The following SLC25A12 variants were observed in gnomAD, a reference collection of about 807,000 sequenced individuals.
SLC25A12 encodes electrogenic aspartate/glutamate antiporter SLC25A12, mitochondrial.
SLC25A12 carries 32 observed loss-of-function variants against 83.3 expected under a neutral mutation model. The ratio of observed to expected loss-of-function variants is 0.38; its 90% CI spans 0.29 to 0.52. The LOEUF (loss-of-function observed/expected upper bound fraction) is 0.52, where lower values mean the gene tolerates loss of function less well. Among genes scored for constraint, SLC25A12 ranks in the 20% least tolerant of loss-of-function variants. The pLI, the probability that SLC25A12 is intolerant of heterozygous loss-of-function variation, is 0.84. For synonymous variants in SLC25A12, 267 were observed against 291.1 expected (o/e 0.92, Z 0.84); for missense variants, 611 against 835.6 (o/e 0.73, Z 3.31).
At chr2:171,818,063 G>A (rs1310576625) in intron 9 of SLC25A12, among the ~76,000 whole-genome samples, 1 of 152,034 alleles carries the variant, frequency 6.6e-6, no homozygotes, top group Admixed American at 6.6e-5. Context: ...TTTTTTTAAG[G>A]CTTAGTTATC....
chr2:171,815,073 ATAT>A (rs1684023140), intron 10 of SLC25A12, 45 bp downstream of exon 10: 2 of 1,453,686 alleles, frequency 1.4e-6, no homozygotes, highest in East Asian at 2.3e-5. Flanking sequence ...TGGTGAGATA[ATAT>A]TACATTAACA....
intron 17 of SLC25A12, among the ~76,000 whole-genome samples, 165 bp downstream of exon 17, chr2:171,787,406 T>A (rs978500825): frequency 1.3e-4 from 20 of 152,258 alleles, no homozygotes; most frequent in Admixed American, 6.5e-5. Flanking sequence ...CAAGTTTTAC[T>A]TGCTTAACAC....
intron 4 of SLC25A12, chr2:171,852,704 C>G (rs1684958035): frequency 8.8e-6 from 4 of 455,190 alleles, no homozygotes; most frequent in Non-Finnish European, 1.8e-5. Flanking sequence ...AAAATAAACT[C>G]GAAGTTAATT....
intron 15 of SLC25A12, chr2:171,789,006 C>G (rs1387663856): frequency 2.0e-5 from 3 of 152,226 alleles, no homozygotes. Context: ...TTACTTGGTT[C>G]AACCACTTGC....
At chr2:171,796,779 A>C (rs1287554127) in intron 13 of SLC25A12, among the ~76,000 whole-genome samples, 1 of 152,342 alleles carries the variant, frequency 6.6e-6, no homozygotes, top group East Asian at 1.9e-4. Context: ...TTACTTTTGT[A>C]CCAACGTAAT....
chr2:171,867,041 T>G (rs1222306539), intron 3 of SLC25A12, among the ~76,000 whole-genome samples: 5 of 83,226 alleles, frequency 6.0e-5, no homozygotes, highest in South Asian at 4.5e-4. Flanking sequence ...GACGGGGCGG[T>G]GGGGCAGAGG....
intron 4 of SLC25A12, among the ~76,000 whole-genome samples, chr2:171,846,276 C>A (rs1270872197): frequency 6.6e-6 from 1 of 151,814 alleles, no homozygotes; most frequent in Non-Finnish European, 1.5e-5. Flanking sequence ...AGTAACATTA[C>A]AATTATTAAA....
At chr2:171,812,756 G>A (rs962284513) in intron 11 of SLC25A12, among the ~76,000 whole-genome samples, 1 of 151,548 alleles carries the variant, frequency 6.6e-6, no homozygotes, top group African/African-American at 2.4e-5. Context: ...TGAGCTAAGT[G>A]GGGGAAAGAA....
At chr2:171,883,717 C>T (rs983257737) in intron 2 of SLC25A12, among the ~76,000 whole-genome samples, 8 of 152,168 alleles carry the variant, frequency 5.3e-5, no homozygotes, top group Non-Finnish European at 1.2e-4. Context: ...CCTTTTAGTT[C>T]TCAGCTCTTA....
intron 6 of SLC25A12, among the ~76,000 whole-genome samples, chr2:171,836,679 T>C (rs189234793): frequency 6.6e-6 from 1 of 152,262 alleles, no homozygotes; most frequent in Admixed American, 6.5e-5. Context: ...GCCATCTTTA[T>C]AGCAAGACCT....
intron 6 of SLC25A12, among the ~76,000 whole-genome samples, chr2:171,836,896 C>T (rs1684568434): frequency 1.3e-5 from 2 of 151,190 alleles, no homozygotes; most frequent in Admixed American, 6.6e-5. Flanking sequence ...GAAAAGATAA[C>T]TCACCATCAC....
intron 3 of SLC25A12, among the ~76,000 whole-genome samples, chr2:171,864,486 T>A (rs1392854389): frequency 6.6e-6 from 1 of 151,990 alleles, no homozygotes; most frequent in African/African-American, 2.4e-5. Flanking sequence ...CAAGACAGAG[T>A]CAAAAGCCTT....
At chr2:171,799,638 T>C (rs1313936604) in intron 13 of SLC25A12, among the ~76,000 whole-genome samples, 1 of 152,176 alleles carries the variant, frequency 6.6e-6, no homozygotes, top group Non-Finnish European at 1.5e-5. Context: ...AGTTGAAAGA[T>C]TCTAGGTTTG....
chr2:171,806,731 T>C (rs1683840789), intron 13 of SLC25A12, among the ~76,000 whole-genome samples: 1 of 152,196 alleles, frequency 6.6e-6, no homozygotes, highest in Admixed American at 6.5e-5. Flanking sequence ...CTAATTAACC[T>C]GCAATAGGTT....
chr2:171,876,898 A>C (rs1158895352), intron 2 of SLC25A12, among the ~76,000 whole-genome samples: 1 of 152,262 alleles, frequency 6.6e-6, no homozygotes, highest in Non-Finnish European at 1.5e-5. Flanking sequence ...AGTCAAGGAC[A>C]CATGGAAGAC....
intron 9 of SLC25A12, among the ~76,000 whole-genome samples, chr2:171,819,300 G>A (rs1684125796): frequency 8.5e-6 from 1 of 117,248 alleles, no homozygotes; most frequent in African/African-American, 3.3e-5. Flanking sequence ...ACATAATATA[G>A]AATTATAATT....
chr2:171,871,813 C>T (rs1685462728), intron 2 of SLC25A12: 1 of 886,070 alleles, frequency 1.1e-6, no homozygotes. Flanking sequence ...GCATTCAAAG[C>T]ATTTGAGAGG....
chr2:171,852,614 T>G (rs1330470925), intron 4 of SLC25A12: 5 of 448,352 alleles, frequency 1.1e-5, no homozygotes, highest in Non-Finnish European at 2.2e-5. Context: ...CATGTGCCTA[T>G]AAATACATAA....
intron 10 of SLC25A12, 59 bp from the exon 11 acceptor site, chr2:171,813,556 A>G: frequency 6.6e-7 from 1 of 1,524,530 alleles, no homozygotes; most frequent in Non-Finnish European, 9.1e-7. Flanking sequence ...AGAGTCCATA[A>G]GGATGACAAA....
Sources: gnomAD v4.1 joint callset for allele counts (sites outside exome capture counted in the v4.1 genomes callset) on GRCh38, gnomAD v4.1.1 for gene constraint, MANE v1.5 for transcripts, NCBI Gene and HGNC (gene_info 2026-07-23, HGNC 2026-07-21) for gene names.